LRRK2: variants seen among roughly 807,000 people sequenced by gnomAD.
LRRK2 encodes the protein leucine-rich repeat serine/threonine-protein kinase 2.
A neutral mutation model predicts 302.6 loss-of-function variants in LRRK2; 203 were observed. The ratio of observed to expected loss-of-function variants is 0.67; its 90% CI spans 0.60 to 0.75. The LOEUF is 0.75. Among genes scored for constraint, LRRK2 ranks in the 30% least tolerant of loss-of-function variants. LRRK2 has a pLI of 0.00. For missense variants in LRRK2, 2,830 were observed against 2,951.0 expected, an observed-to-expected ratio of 0.96 and a Z score of 0.95; for synonymous variants, 1,066 against 1,031.9, an observed-to-expected ratio of 1.03 and a Z score of -0.63.
Position 40,243,640 on chromosome 12 carries a change from T to C in LRRK2, c.797T>C (p.Ile266Thr), listed in dbSNP as rs757766953. ...AAAGCATTCCCTATGAGTGAAAGAA[T>C]TCAAGAAGTGAGTTGCTGTTTGCTC... is the stretch of plus-strand genomic sequence containing the variant. ...AMKAFPMSER[I>T]QEVSCCLLHR... is the part of the protein sequence containing the mutation. The change falls in exon 7 of 51, where the codon ATT becomes ACT. Residue 266 changes from isoleucine to threonine, a missense_variant. Physicochemically the swap from Ile to Thr is moderately conservative, Grantham distance 89. This residue lies in a region of LRRK2 where 2,121 missense variants were observed against 2,148.0 expected (regional missense o/e 0.99). Transcript: ENST00000298910. 5 of 1,612,110 alleles carry C rather than the reference T, an allele frequency of 3.1e-6. No homozygotes were observed. In the East Asian group the frequency reaches 1.1e-4, roughly 36 times the overall value.
chr12:40,301,292 C>T (rs1944615378), intron 25 of LRRK2, among the ~76,000 whole-genome samples: 1 of 152,020 alleles, frequency 6.6e-6, no homozygotes. Context: ...GGTGTGGTGG[C>T]GTGTGACTAT....
Position 40,240,603 on chromosome 12 carries a change from C to T in LRRK2, c.692C>T (p.Ser231Phe), listed in dbSNP as rs1255670816. Residue 231 changes from serine (S) to phenylalanine (F), a missense_variant, in exon 6 of 51, where the codon TCC becomes TTC. Ser to Phe is a radical substitution (Grantham distance 155, BLOSUM62 -2). Transcript: ENST00000298910. Reference sequence around the variant, plus strand: ...CTTCATGTGCTGCATTGTTTACATTCCCTAGCGATTCCTTGTAAGTAGCAT... The same window carrying T: ...CTTCATGTGCTGCATTGTTTACATTTCCTAGCGATTCCTTGTAAGTAGCAT... Reference protein sequence around the residue: ...IVLHVLHCLHSLAIPCNNVEV... With the variant: ...IVLHVLHCLHFLAIPCNNVEV... 3 of 1,613,176 alleles carry T rather than the reference C, an allele frequency of 1.9e-6. No homozygotes were observed. The highest frequency in any genetic ancestry group is 3.3e-5 in the Admixed American group (2 of 59,894).
At chr12:40,319,170 A>C (rs940172704) in intron 33 of LRRK2, among the ~76,000 whole-genome samples, 1 of 152,094 alleles carries the variant, frequency 6.6e-6, no homozygotes, top group Non-Finnish European at 1.5e-5. Flanking sequence ...TATATAGATA[A>C]ATATGCTAAA....
At chr12:40,335,967 T>G (rs1383173977) in intron 40 of LRRK2, among the ~76,000 whole-genome samples, 3 of 152,182 alleles carry the variant, frequency 2.0e-5, no homozygotes, top group Non-Finnish European at 4.4e-5. Context: ...TCTAACAATT[T>G]CTCTCACTAA....
At chr12:40,240,728 A>C in intron 6 of LRRK2, 111 bp downstream of exon 6, 1 of 1,053,080 alleles carries the variant, frequency 9.5e-7, no homozygotes, top group Non-Finnish European at 1.4e-6. Context: ...GTGGATGCTC[A>C]ACCCATTCAT....
At chr12:40,355,543 T>TCCTTCCTTC (rs552326490) in intron 45 of LRRK2, among the ~76,000 whole-genome samples, 12 of 89,850 alleles carry the variant, frequency 1.3e-4, no homozygotes, top group Admixed American at 3.8e-4. Context: ...CTTCCTTCCT[T>TCCTTCCTTC]CTTCTTTTTT....
At chr12:40,230,619 C>T (rs1010085196) in intron 2 of LRRK2, among the ~76,000 whole-genome samples, 1 of 150,350 alleles carries the variant, frequency 6.7e-6, no homozygotes, top group Non-Finnish European at 1.5e-5. Flanking sequence ...ACACATCACA[C>T]TTAGATACTT....
At chr12:40,365,130 C>T (rs746693436) in intron 49 of LRRK2, 80 bp downstream of exon 49, 1 of 1,339,392 alleles carries the variant, frequency 7.5e-7, no homozygotes, top group South Asian at 1.2e-5. Context: ...TACATTTTCT[C>T]TGAACTTTCC....
chr12:40,340,384 A>G lies in LRRK2; in HGVS notation c.6039A>G (p.Ala2013=), dbSNP rs748907139. ...FTLYPNAAII[A]KIADYGIAQY... ...TGTATCCCAATGCTGCCATCATTGCAAAGATTGCTGACTACGGCATTGCTC... is the reference window on the plus strand; with the variant it reads ...TGTATCCCAATGCTGCCATCATTGCGAAGATTGCTGACTACGGCATTGCTC... The change falls in exon 41 of 51, where the codon GCA becomes GCG. Residue 2013 remains alanine, a synonymous_variant. Transcript: ENST00000298910. The G allele has an allele frequency of 1.9e-6, 3 of 1,613,916 alleles. No individual in the cohort carries two copies. The Admixed American group carries it at 5.0e-5, about 27-fold the overall frequency.
At chr12:40,325,924 G>A (rs1302641645) in intron 38 of LRRK2, among the ~76,000 whole-genome samples, 1 of 152,080 alleles carries the variant, frequency 6.6e-6, no homozygotes, top group African/African-American at 2.4e-5. Flanking sequence ...GAAGCCACAG[G>A]GTACATTTCC....
chr12:40,295,944 C>A (rs1944370639), intron 23 of LRRK2, among the ~76,000 whole-genome samples: 2 of 152,118 alleles, frequency 1.3e-5, no homozygotes, highest in Non-Finnish European at 2.9e-5. Flanking sequence ...TCAAGTAAGA[C>A]AACTTCAACA....
intron 41 of LRRK2, among the ~76,000 whole-genome samples, chr12:40,342,934 T>A (rs1282022789): frequency 6.6e-6 from 1 of 152,188 alleles, no homozygotes; most frequent in Admixed American, 6.5e-5. Context: ...CTTAGCTCTA[T>A]CCATGAGTTA....
At chr12:40,245,573 A>G (rs1488422943) in intron 7 of LRRK2, among the ~76,000 whole-genome samples, 1 of 152,110 alleles carries the variant, frequency 6.6e-6, no homozygotes, top group Non-Finnish European at 1.5e-5. Flanking sequence ...TAACTTGTCC[A>G]GTTCCTTGGA....
intron 41 of LRRK2, among the ~76,000 whole-genome samples, chr12:40,344,548 T>A (rs552284735): frequency 6.6e-6 from 1 of 152,296 alleles, no homozygotes; most frequent in South Asian, 2.1e-4. Context: ...TTATGTCGTT[T>A]GTAAAATAGA....
intron 18 of LRRK2, among the ~76,000 whole-genome samples, chr12:40,282,764 C>A (rs1007090520): frequency 6.6e-6 from 1 of 152,098 alleles, no homozygotes; most frequent in African/African-American, 2.4e-5. Flanking sequence ...AATGAATGTC[C>A]CCTCAAATCC....
chr12:40,259,366 A>G (rs1942668666), intron 12 of LRRK2, 114 bp from the exon 13 acceptor site: 3 of 1,312,660 alleles, frequency 2.3e-6, no homozygotes, highest in African/African-American at 2.9e-5. Flanking sequence ...ATTTTCATAT[A>G]GTCTTTCCTG....
intron 44 of LRRK2, among the ~76,000 whole-genome samples, chr12:40,352,469 C>CTTTTTTTT (rs1307806388): frequency 5.7e-5 from 6 of 104,534 alleles, no homozygotes; most frequent in South Asian, 3.3e-4. Context: ...GTTAAACAAT[C>CTTTTTTTT]TTTTTTTTTT....
chr12:40,304,351 A>T, intron 27 of LRRK2: 1 of 590,018 alleles, frequency 1.7e-6, no homozygotes, highest in Non-Finnish European at 2.9e-6. Flanking sequence ...TTCCATTCTC[A>T]CACCGACAAT....
In LRRK2 at chr12:40,348,463, A is replaced by C; in HGVS notation, c.6335A>C (p.Lys2112Thr). 6.2e-7 allele frequency: 1 copy of C among 1,613,076 alleles called. No homozygotes were observed. The highest frequency in any genetic ancestry group is 8.5e-7 in the Non-Finnish European group (1 of 1,179,280). The change falls in exon 43 of 51, where the codon AAA becomes ACA. Residue 2112 changes from lysine (K) to threonine (T), a missense_variant. By Grantham distance (78) the Lys-to-Thr change is moderately conservative. This residue lies in a region of LRRK2 where 253 missense variants were observed against 346.7 expected (regional missense o/e 0.73). Coordinates refer to ENST00000298910, the MANE Select transcript of LRRK2 (RefSeq NM_198578.4). ...APWPMVEKLI[K>T]QCLKENPQER... Reference sequence around the variant, plus strand: ...TGGCCTATGGTTGAGAAATTAATTAAACAGTGTTTGAAAGAAAATCCTCAA... The same window carrying C: ...TGGCCTATGGTTGAGAAATTAATTACACAGTGTTTGAAAGAAAATCCTCAA...
Sources: gnomAD v4.1 joint callset for allele counts (sites outside exome capture counted in the v4.1 genomes callset) on GRCh38, gnomAD v4.1.1 for gene constraint, gnomAD v4.1.1 regional missense constraint, MANE v1.5 for transcripts, NCBI Gene and HGNC (gene_info 2026-07-23, HGNC 2026-07-21) for gene names.